The following MIEF2 variants were observed in gnomAD, a reference collection of about 807,000 sequenced individuals.
MIEF2 encodes mitochondrial dynamics protein MID49.
MIEF2 carries 1 observed loss-of-function variant against 7.4 expected under a neutral mutation model. The ratio of observed to expected loss-of-function variants is 0.14; its 90% CI spans 0.05 to 0.64. The LOEUF is 0.64. MIEF2 is among the 30% of genes least tolerant of loss of function. MIEF2 has a pLI of 0.85. For missense variants in MIEF2, 569 were observed against 623.9 expected, an observed-to-expected ratio of 0.91 and a Z score of 0.94; for synonymous variants, 275 against 290.5, an observed-to-expected ratio of 0.95 and a Z score of 0.54.
In MIEF2 at chr17:18,265,308, C is replaced by T. The variant is rs1161820700; in HGVS notation, c.*544C>T. On this transcript the variant is annotated 3_prime_UTR_variant, in exon 4 of 4. Coordinates refer to ENST00000323019, the MANE Select transcript of MIEF2 (RefSeq NM_139162.4). ...TTGGCTGTTAAAGGATGGCATTTTC[C>T]TGCTGTCTTCTGTGCGTTTAGTTTT... 6.5e-6 allele frequency: 1 copy of T among 153,488 alleles called. No individual in the cohort carries two copies. Among genetic ancestry groups the T allele is most frequent in the African/African-American group, 2.4e-5 (1 of 41,470 alleles). 9.5% of individuals were successfully genotyped at this position (153,488 alleles called of 1,614,324 possible). A position where few individuals can be genotyped will look rare whatever the true frequency, so the allele number is the denominator to read the frequency against.
intron 1 of MIEF2, among the ~76,000 whole-genome samples, chr17:18,261,589 C>T (rs1454803307): frequency 1.3e-5 from 2 of 152,176 alleles, no homozygotes; most frequent in Admixed American, 6.5e-5. Flanking sequence ...AGGGCAGTGT[C>T]CCCCTCGCAG....
chr17:18,265,289 G>C lies in MIEF2; in HGVS notation c.*525G>C, dbSNP rs1328438946. 4 of 153,780 alleles carry C rather than the reference G, an allele frequency of 2.6e-5. No individual in the cohort carries two copies. The highest frequency in any genetic ancestry group is 4.3e-5 in the Non-Finnish European group (3 of 69,138). The allele number at this position is 153,780 out of a possible 1,614,324, so 9.5% of individuals were successfully genotyped here. On this transcript the variant is annotated 3_prime_UTR_variant, in exon 4 of 4. Transcript: ENST00000323019. The stretch of plus-strand genomic sequence containing the variant: ...GCCCCTGAAGGACAGATTTTTGGCT[G>C]TTAAAGGATGGCATTTTCCTGCTGT...
chr17:18,264,752 G>A lies in MIEF2; in HGVS notation c.1353G>A (p.Glu451=). The change falls in exon 4 of 4, where the codon GAG becomes GAA. Residue 451 remains glutamate, a synonymous_variant. Transcript: ENST00000323019. The part of the protein sequence containing the change: ...YALYSGLQEP[E]GLL ...TATACAGTGGCCTACAGGAGCCCGA[G>A]GGGCTGCTCTAGGTGGGTGGAAACG... 1 of 1,606,752 alleles carries A rather than the reference G, an allele frequency of 6.2e-7. No individual in the cohort carries two copies. Among genetic ancestry groups the A allele is most frequent in the African/African-American group, 1.3e-5 (1 of 74,932 alleles).
In MIEF2 at chr17:18,264,533, G is replaced by T; in HGVS notation, c.1134G>T (p.Leu378=). 6.2e-7 allele frequency: 1 copy of T among 1,610,162 alleles called. No individual in the cohort carries two copies. The change falls in exon 4 of 4, where the codon CTG becomes CTT. Residue 378 remains leucine, a synonymous_variant. Coordinates refer to ENST00000323019, the MANE Select transcript of MIEF2 (RefSeq NM_139162.4). ...TGGGGCAGCTAGGCCGGGGTCACCT[G>T]ACCCAGGTGGTCCTGCGTCTGGGGG... ...SALGQLGRGH[L]TQVVLRLGED... is the part of the protein sequence containing the mutation.
At position 18,265,596 on chromosome 17, in the gene MIEF2, C is replaced by G. The variant is rs893915394; in HGVS notation, c.*832C>G. The stretch of plus-strand genomic sequence containing the variant: ...TCCCAGTGTGCCAAAATGAACTGCT[C>G]TCAGCTGATGGCTGTATTCTGACTT... On this transcript the variant is annotated 3_prime_UTR_variant, in exon 4 of 4. Transcript: ENST00000323019. The G allele has an allele frequency of 2.6e-5, 4 of 152,308 alleles. No individual in the cohort carries two copies. The highest frequency in any genetic ancestry group is 5.9e-5 in the Non-Finnish European group (4 of 68,056). 9.4% of individuals were successfully genotyped at this position (152,308 alleles called of 1,614,324 possible).
rs1028817909 is a variant in MIEF2, at chr17:18,265,734, C to T, written c.*970C>T. The stretch of plus-strand genomic sequence containing the variant: ...TTCCTTTTGAAACGAAGCTCAGCTT[C>T]GAAGATGTGAACAAGAATAAAAGGA... On this transcript the variant is annotated 3_prime_UTR_variant, in exon 4 of 4. Coordinates refer to ENST00000323019, the MANE Select transcript of MIEF2 (RefSeq NM_139162.4). 6.6e-5 allele frequency: 10 copies of T among 152,578 alleles called. No homozygotes were observed. The highest frequency in any genetic ancestry group is 1.9e-4 in the East Asian group (1 of 5,188). 9.5% of individuals were successfully genotyped at this position (152,578 alleles called of 1,614,324 possible).
intron 1 of MIEF2, chr17:18,260,988 A>G (rs1392001600): frequency 1.0e-6 from 1 of 964,366 alleles, no homozygotes; most frequent in African/African-American, 1.6e-5. Flanking sequence ...GCCCGGGCCC[A>G]GGGCAGGCAG....
In MIEF2 at chr17:18,264,492, C is replaced by A; in HGVS notation, c.1093C>A (p.Arg365Ser). Residue 365 changes from arginine (R) to serine (S), a missense_variant, in exon 4 of 4, where the codon CGT becomes AGT. By Grantham distance (110) the Arg-to-Ser change is moderately radical (BLOSUM62 -1). Coordinates refer to ENST00000323019, the MANE Select transcript of MIEF2 (RefSeq NM_139162.4). ...GCTGCTGCTGCTGTGTGCTGTCTGC[C>A]GTGGTTGCTCGGCTCTGGGGCAGCT... ...RLLLLLCAVC[R>S]GCSALGQLGR... is the part of the protein sequence containing the mutation. 1 of 1,607,126 alleles carries A rather than the reference C, an allele frequency of 6.2e-7. No individual in the cohort carries two copies.
In MIEF2 at chr17:18,264,710, C is replaced by T. The variant is rs752925571; in HGVS notation, c.1311C>T (p.Asp437=). 5.6e-6 allele frequency: 9 copies of T among 1,612,608 alleles called. No homozygotes were observed. Among genetic ancestry groups the T allele is most frequent in the South Asian group, 5.5e-5 (5 of 91,078 alleles). ...GCAGCTTGCGTGAGGAGGAGATTGA[C>T]GACATTGGCTATGCGCTATACAGTG... The part of the protein sequence containing the change: ...LFSSLREEEI[D]DIGYALYSGL... Residue 437 remains aspartate, a synonymous_variant, in exon 4 of 4, where the codon GAC becomes GAT. Transcript: ENST00000323019.
chr17:18,262,706 T>C lies in MIEF2; in HGVS notation c.-7-8T>C. ...TGAGCTGCCCCTTCACCCCTGGCTC[T>C]CTTACAGGCAGACCATGGCAGAGTT... is the stretch of plus-strand genomic sequence containing the variant. On this transcript the variant is annotated splice_region_variant and splice_polypyrimidine_tract_variant and intron_variant, in intron 1 of 3. Transcript: ENST00000323019. The C allele has an allele frequency of 6.3e-7, 1 of 1,588,592 alleles. No individual in the cohort carries two copies. The highest frequency in any genetic ancestry group is 8.6e-7 in the Non-Finnish European group (1 of 1,165,684).
At position 18,261,016 on chromosome 17, in the gene MIEF2, A is replaced by T. The variant is rs555937948; in HGVS notation, c.-8+279A>T. 1.0e-3 allele frequency: 1,320 copies of T among 1,278,266 alleles called. 1 individual carries two copies. Among genetic ancestry groups the T allele is most frequent in the Non-Finnish European group, 1.4e-3 (1,259 of 905,062 alleles). The allele number at this position is 1,278,266 out of a possible 1,614,324, so 79.2% of individuals were successfully genotyped here. A position where few individuals can be genotyped will look rare whatever the true frequency, so the allele number is the denominator to read the frequency against. On this transcript the variant is annotated intron_variant, in intron 1 of 3. Coordinates refer to ENST00000323019, the MANE Select transcript of MIEF2 (RefSeq NM_139162.4). Reference sequence around the variant, plus strand: ...GCAGGCAGGTTTGGCGGAGGAGGGAAGGCCAAACGGCCTCCAGGGCCCCGC... The same window carrying T: ...GCAGGCAGGTTTGGCGGAGGAGGGATGGCCAAACGGCCTCCAGGGCCCCGC...
Position 18,264,042 on chromosome 17 carries a change from A to G in MIEF2, c.643A>G (p.Thr215Ala). 6.4e-7 allele frequency: 1 copy of G among 1,554,230 alleles called. No individual in the cohort carries two copies. The highest frequency in any genetic ancestry group is 8.7e-7 in the Non-Finnish European group (1 of 1,153,714). The part of the protein sequence containing the change: ...GLWSLVPGVD[T>A]VARDPRCWAV... ...GTGGAGCCTGGTGCCGGGCGTGGAC[A>G]CTGTGGCGAGGGACCCTCGCTGCTG... The change falls in exon 4 of 4, where the codon ACT (threonine) becomes GCT (alanine). Residue 215 changes from threonine (T) to alanine (A), a missense_variant. By Grantham distance (58) the Thr-to-Ala change is moderately conservative. Coordinates refer to ENST00000323019, the MANE Select transcript of MIEF2 (RefSeq NM_139162.4).
At chr17:18,261,077 C>G in intron 1 of MIEF2, 1 of 1,549,154 alleles carries the variant, frequency 6.5e-7, no homozygotes, top group Non-Finnish European at 8.7e-7. Flanking sequence ...CACCCGTGCC[C>G]TTTCCTGCTT....
rs745842933 is a variant in MIEF2 at position 18,264,008 on chromosome 17, G to C, written c.609G>C (p.Glu203Asp). Residue 203 changes from glutamate to aspartate, a missense_variant, in exon 4 of 4, where the codon GAG becomes GAC. By Grantham distance (45) the Glu-to-Asp change is conservative. Transcript: ENST00000323019. ...HVRLLVPLVLEPGLWSLVPGV... is the reference protein window; with the variant it reads ...HVRLLVPLVLDPGLWSLVPGV... ...GTCTCCTGGTGCCACTGGTGCTGGA[G>C]CCGGGCCTGTGGAGCCTGGTGCCGG... The C allele has an allele frequency of 6.4e-7, 1 of 1,564,672 alleles. No homozygotes were observed. Among genetic ancestry groups the C allele is most frequent in the South Asian group, 1.2e-5 (1 of 85,904 alleles).
At chr17:18,263,515 G>T (rs1250297535) in intron 3 of MIEF2, 195 bp from the exon 4 acceptor site, 1 of 863,876 alleles carries the variant, frequency 1.2e-6, no homozygotes, top group African/African-American at 1.7e-5. Context: ...TGTCGCCAGG[G>T]TGTTGGACTC....
intron 2 of MIEF2, 44 bp downstream of exon 2, chr17:18,262,911 G>A: frequency 2.0e-6 from 3 of 1,526,966 alleles, no homozygotes; most frequent in Non-Finnish European, 2.6e-6. Flanking sequence ...CCTAGAGGAG[G>A]ACAACAGGGT....
rs546862788 is a variant in MIEF2, at chr17:18,264,701, G to A, written c.1302G>A (p.Glu434=). The A allele has an allele frequency of 5.9e-5, 95 of 1,612,848 alleles. 1 individual carries two copies. The South Asian group carries it at 9.9e-4, about 17-fold the overall frequency. ...ACCTCTTCAGCAGCTTGCGTGAGGA[G>A]GAGATTGACGACATTGGCTATGCGC... ...SVNLFSSLRE[E]EIDDIGYALY... is the part of the protein sequence containing the mutation. The change falls in exon 4 of 4, where the codon GAG becomes GAA. Residue 434 remains glutamate, a synonymous_variant. Transcript: ENST00000323019.
chr17:18,264,371 G>T lies in MIEF2; in HGVS notation c.972G>T (p.Gly324=). 1.2e-6 allele frequency: 2 copies of T among 1,603,206 alleles called. No homozygotes were observed. The highest frequency in any genetic ancestry group is 1.7e-6 in the Non-Finnish European group (2 of 1,179,798). The part of the protein sequence containing the change: ...DRLLLAWPLE[G]LAGNLWLQDL... ...TCCTCTTGGCCTGGCCCCTGGAGGG[G>T]CTGGCGGGGAACCTCTGGCTGCAGG... The change falls in exon 4 of 4, where the codon GGG becomes GGT. Residue 324 remains glycine (G), a synonymous_variant. Coordinates refer to ENST00000323019, the MANE Select transcript of MIEF2 (RefSeq NM_139162.4).
chr17:18,264,949 C>A lies in MIEF2; in HGVS notation c.*185C>A, dbSNP rs1030395920. 5 of 1,117,432 alleles carry A rather than the reference C, an allele frequency of 4.5e-6. No homozygotes were observed. In the Admixed American group the frequency reaches 1.5e-4, roughly 34 times the overall value. The allele number at this position is 1,117,432 out of a possible 1,614,324, so 69.2% of individuals were successfully genotyped here. On this transcript the variant is annotated 3_prime_UTR_variant, in exon 4 of 4. Transcript: ENST00000323019. ...GGCCATAAACCCTGAGCCCAGAGAGCTTGGGTCACTGTCACCTGAGTGCAG... is the reference window on the plus strand; with the variant it reads ...GGCCATAAACCCTGAGCCCAGAGAGATTGGGTCACTGTCACCTGAGTGCAG...
Sources: gnomAD v4.1 joint callset for allele counts (sites outside exome capture counted in the v4.1 genomes callset) on GRCh38, gnomAD v4.1.1 for gene constraint, MANE v1.5 for transcripts, NCBI Gene and HGNC (gene_info 2026-07-23, HGNC 2026-07-21) for gene names.